The following HTR6 variants were observed in gnomAD, a reference collection of about 807,000 sequenced individuals.
The protein encoded by HTR6 is 5-hydroxytryptamine (serotonin) receptor 6, G protein-coupled.
Under a neutral mutation model 17.4 loss-of-function variants are expected in HTR6, and 15 were observed. That is an observed-to-expected ratio of 0.86 (90% CI 0.58 to 1.33). HTR6 has a LOEUF of 1.33. Ranked by LOEUF, HTR6 falls within the 40% of genes most tolerant of loss-of-function variation. The pLI, the probability that HTR6 is intolerant of heterozygous loss-of-function variation, is 0.00. For missense variants in HTR6, 578 were observed against 616.0 expected (o/e 0.94, Z 0.65); for synonymous variants, 326 against 295.5 (o/e 1.10, Z -1.06).
chr1:19,678,975 C>G lies in HTR6; in HGVS notation c.930C>G (p.Tyr310Ter), dbSNP rs756701522. The G allele has an allele frequency of 1.9e-6, 3 of 1,614,144 alleles. No homozygotes were observed. Among genetic ancestry groups the G allele is most frequent in the Non-Finnish European group, 2.5e-6 (3 of 1,179,992 alleles). Reference sequence around the variant, plus strand: ...TCGATGTCCTCACATGGCTGGGTTACTGTAACAGCACCATGAACCCCATCA... The same window carrying G: ...TCGATGTCCTCACATGGCTGGGTTAGTGTAACAGCACCATGAACCCCATCA... ...GLFDVLTWLG[Y>*]CNSTMNPIIY... is the part of the protein sequence containing the mutation. The change falls in exon 3 of 3, where the codon TAC becomes TAG. Residue 310 changes from tyrosine to a stop codon, truncating the protein, a stop_gained. Transcript: ENST00000289753. LOFTEE classifies it low-confidence loss of function (END_TRUNC).
In HTR6 at chr1:19,677,859, T is replaced by C. The variant is rs138031366; in HGVS notation, c.715-708T>C. 6.8e-4 allele frequency among the ~76,000 whole-genome samples: 104 copies of C among 152,164 alleles called. 1 individual carries two copies. Among genetic ancestry groups the C allele is most frequent in the Middle Eastern group, 3.4e-3 (1 of 292 alleles). On this transcript the variant is annotated intron_variant, in intron 1 of 2. Coordinates refer to ENST00000289753, the MANE Select transcript of HTR6 (RefSeq NM_000871.3). Reference sequence around the variant, plus strand: ...GGTTCAAGCAATTCTCCTGCCTCAGTCTCCTGAGTAGCTGGGATTACAGGT... The same window carrying C: ...GGTTCAAGCAATTCTCCTGCCTCAGCCTCCTGAGTAGCTGGGATTACAGGT...
rs2095101616 is a variant in HTR6, at chr1:19,680,869, C to G, written c.*1501C>G. Among the ~76,000 whole-genome samples, 1 of 152,194 alleles carries G rather than the reference C, an allele frequency of 6.6e-6. No individual in the cohort carries two copies. The highest frequency in any genetic ancestry group is 6.5e-5 in the Admixed American group (1 of 15,278). On this transcript the variant is annotated 3_prime_UTR_variant, in exon 3 of 3. Transcript: ENST00000289753. ...GGTGCTGATGAGACACAACTCTGGC[C>G]CCGGCGGCTGGCCTCTGAGGGGCCA...
intron 1 of HTR6, among the ~76,000 whole-genome samples, chr1:19,678,113 T>G (rs1266334470): frequency 6.6e-6 from 1 of 152,200 alleles, no homozygotes; most frequent in Non-Finnish European, 1.5e-5. Context: ...TGTTGGCCTG[T>G]GTCACGTATT....
chr1:19,665,738 T>G lies in HTR6; in HGVS notation c.-16T>G. 1.4e-6 allele frequency: 2 copies of G among 1,447,968 alleles called. No individual in the cohort carries two copies. The highest frequency in any genetic ancestry group is 1.8e-6 in the Non-Finnish European group (2 of 1,094,494). The allele number at this position is 1,447,968 out of a possible 1,614,324, so 89.7% of individuals were successfully genotyped here. A position where few individuals can be genotyped will look rare whatever the true frequency, so the allele number is the denominator to read the frequency against. On this transcript the variant is annotated 5_prime_UTR_variant, in exon 1 of 3. Coordinates refer to ENST00000289753, the MANE Select transcript of HTR6 (RefSeq NM_000871.3). The surrounding 1 kb of genome is among the most constrained non-coding windows in gnomAD (Gnocchi z 4.2). The stretch of plus-strand genomic sequence containing the variant: ...CCGCCACCCTATCACTCCCTTGCCG[T>G]CCACCCTCGGTCCTCATGGTCCCAG...
rs72961744 is a variant in HTR6, at chr1:19,666,972, A to G, written c.714+505A>G. Among the ~76,000 whole-genome samples the G allele has an allele frequency of 0.027, 4,141 of 152,042 alleles. 131 individuals carry two copies. The highest frequency in any genetic ancestry group is 0.073 in the African/African-American group (3,041 of 41,446). ...CTTCTGCATAGAAGCTGGAGCACTTAAAAAAGAAGTGATCATGTCACTCCC... is the reference window on the plus strand; with the variant it reads ...CTTCTGCATAGAAGCTGGAGCACTTGAAAAAGAAGTGATCATGTCACTCCC... On this transcript the variant is annotated intron_variant, in intron 1 of 2. Transcript: ENST00000289753. The surrounding 1 kb of genome is among the most constrained non-coding windows in gnomAD (Gnocchi z 4.5).
chr1:19,665,824 G>C lies in HTR6; in HGVS notation c.71G>C (p.Gly24Ala), dbSNP rs770334471. The change falls in exon 1 of 3, where the codon GGG becomes GCG. Residue 24 changes from glycine to alanine, a missense_variant. Physicochemically the swap from Gly to Ala is moderately conservative, Grantham distance 60. Coordinates refer to ENST00000289753, the MANE Select transcript of HTR6 (RefSeq NM_000871.3). This position sits in a 1 kb window ranked among gnomAD's most constrained non-coding sequence, Gnocchi z 4.2. ...GGGGCAGGGCCGCCGTCGGCCCCGG[G>C]GGGCAGCGGCTGGGTGGCGGCCGCG... ...AWGAGPPSAP[G>A]GSGWVAAALC... 8.3e-6 allele frequency: 13 copies of C among 1,565,256 alleles called. No homozygotes were observed. Among genetic ancestry groups the C allele is most frequent in the Non-Finnish European group, 1.1e-5 (13 of 1,158,644 alleles).
rs2095079016 is a variant in HTR6 at position 19,664,972 on chromosome 1, C to A, written c.-782C>A. ...CCCGCCCGGCCCGCGGCCGCCTCTT[C>A]CTCTCGCAGCCCCGCGGCGCTTGCC... On this transcript the variant is annotated 5_prime_UTR_variant, in exon 1 of 3. Coordinates refer to ENST00000289753, the MANE Select transcript of HTR6 (RefSeq NM_000871.3). This position sits in a 1 kb window ranked among gnomAD's most constrained non-coding sequence, Gnocchi z 4.7. 6.6e-6 allele frequency among the ~76,000 whole-genome samples: 1 copy of A among 150,590 alleles called. No individual in the cohort carries two copies.
chr1:19,674,621 G>C lies in HTR6; in HGVS notation c.715-3946G>C, dbSNP rs555151952. ...GGGTTTTGCCATGTTGGCCAGGCTG[G>C]TCTCGAACTACTGACCTCAAGTGAT... On this transcript the variant is annotated intron_variant, in intron 1 of 2. Transcript: ENST00000289753. Among the ~76,000 whole-genome samples the C allele has an allele frequency of 1.4e-4, 21 of 152,280 alleles. No homozygotes were observed. The East Asian group carries it at 3.7e-3, about 27-fold the overall frequency.
In HTR6 at chr1:19,680,781, C is replaced by A. The variant is rs746120634; in HGVS notation, c.*1413C>A. 2.6e-5 allele frequency among the ~76,000 whole-genome samples: 4 copies of A among 152,168 alleles called. No individual in the cohort carries two copies. Among genetic ancestry groups the A allele is most frequent in the Non-Finnish European group, 4.4e-5 (3 of 68,022 alleles). ...CATAGGTCCCTTTTCAGCCCTGCCTCCCCCAAGTTCCATCAACACAAACTC... is the reference window on the plus strand; with the variant it reads ...CATAGGTCCCTTTTCAGCCCTGCCTACCCCAAGTTCCATCAACACAAACTC... On this transcript the variant is annotated 3_prime_UTR_variant, in exon 3 of 3. Coordinates refer to ENST00000289753, the MANE Select transcript of HTR6 (RefSeq NM_000871.3).
intron 1 of HTR6, among the ~76,000 whole-genome samples, chr1:19,676,922 C>T (rs1257119229): frequency 6.6e-6 from 1 of 152,242 alleles, no homozygotes; most frequent in African/African-American, 2.4e-5. Flanking sequence ...CGCAAACACA[C>T]CCTTTGCGTA....
rs755046439 is a variant in HTR6 at position 19,678,613 on chromosome 1, G to A, written c.761G>A (p.Arg254His). 25 of 1,613,192 alleles carry A rather than the reference G, an allele frequency of 1.5e-5. No individual in the cohort carries two copies. The highest frequency in any genetic ancestry group is 8.9e-5 in the East Asian group (4 of 44,872). ...GGGGTGGAGTCTGCTGACAGCAGGC[G>A]TCTAGCCACGAAGCACAGCAGGAAG... ...RPGVESADSR[R>H]LATKHSRKAL... The change falls in exon 2 of 3, where the codon CGT (arginine) becomes CAT (histidine). Residue 254 changes from arginine to histidine, a missense_variant. Arg to His is a conservative substitution (Grantham distance 29, BLOSUM62 0). Transcript: ENST00000289753.
rs1310913095 is a variant in HTR6, at chr1:19,678,717, A to G, written c.865A>G (p.Ile289Val). ...VTWLPFFVAN[I>V]VQAVCDCISP... Reference sequence around the variant, plus strand: ...CTGGTTGCCCTTCTTTGTGGCCAACATAGTCCAGGTAATGCCACGGCAGGG... The same window carrying G: ...CTGGTTGCCCTTCTTTGTGGCCAACGTAGTCCAGGTAATGCCACGGCAGGG... The change falls in exon 2 of 3, where the codon ATA (isoleucine) becomes GTA (valine). Residue 289 changes from isoleucine to valine, a missense_variant. Coordinates refer to ENST00000289753, the MANE Select transcript of HTR6 (RefSeq NM_000871.3). 6.2e-7 allele frequency: 1 copy of G among 1,610,142 alleles called. No individual in the cohort carries two copies. Among genetic ancestry groups the G allele is most frequent in the Admixed American group, 1.7e-5 (1 of 59,940 alleles).
Position 19,665,614 on chromosome 1 carries a change from C to G in HTR6, c.-140C>G, listed in dbSNP as rs1045935942. 3.3e-6 allele frequency: 2 copies of G among 606,530 alleles called. No individual in the cohort carries two copies. Among genetic ancestry groups the G allele is most frequent in the African/African-American group, 2.0e-5 (1 of 51,188 alleles). The allele number at this position is 606,530 out of a possible 1,614,324, so 37.6% of individuals were successfully genotyped here. On this transcript the variant is annotated 5_prime_UTR_variant, in exon 1 of 3. Coordinates refer to ENST00000289753, the MANE Select transcript of HTR6 (RefSeq NM_000871.3). The surrounding 1 kb of genome is among the most constrained non-coding windows in gnomAD (Gnocchi z 4.2). ...GCGACCCAGCGCCCCCGCCCATGTC[C>G]CCCCACTCACCTCCCCCGGGGGGCG...
chr1:19,678,828 G>T, intron 2 of HTR6, 91 bp from the exon 3 acceptor site: 1 of 1,557,420 alleles, frequency 6.4e-7, no homozygotes, highest in South Asian at 1.2e-5. Context: ...CTCTCGTGGT[G>T]CGTGTGTGTG....
chr1:19,677,531 C>T (rs537989345), intron 1 of HTR6, among the ~76,000 whole-genome samples: 4 of 152,252 alleles, frequency 2.6e-5, no homozygotes, highest in South Asian at 4.1e-4. Flanking sequence ...AACCAGCATC[C>T]TTAGGAGCCT....
chr1:19,677,441 C>T (rs57886139), intron 1 of HTR6, among the ~76,000 whole-genome samples: 20,306 of 152,144 alleles, frequency 0.13, 1,428 homozygotes, highest in East Asian at 0.22. Context: ...CCTCCTACCC[C>T]TTCCTCCTCT....
rs201579153 is a variant in HTR6 at position 19,666,181 on chromosome 1, C to T, written c.428C>T (p.Ala143Val). The part of the protein sequence containing the change: ...RYKLRMTPLR[A>V]LALVLGAWSL... ...AAGCTGCGCATGACGCCCCTGCGTG[C>T]CCTGGCCCTAGTCCTGGGCGCCTGG... The change falls in exon 1 of 3, where the codon GCC becomes GTC. Residue 143 changes from alanine (A) to valine (V), a missense_variant. Transcript: ENST00000289753. The surrounding 1 kb of genome is among the most constrained non-coding windows in gnomAD (Gnocchi z 4.5). 1.6e-5 allele frequency: 25 copies of T among 1,610,672 alleles called. No homozygotes were observed. The highest frequency in any genetic ancestry group is 1.9e-5 in the Non-Finnish European group (23 of 1,179,868).
chr1:19,670,714 T>C (rs2095087088), intron 1 of HTR6, among the ~76,000 whole-genome samples: 1 of 152,206 alleles, frequency 6.6e-6, no homozygotes. Flanking sequence ...TCCACCCGCC[T>C]TGGCTTTCCA....
At chr1:19,668,409 A>G (rs931649513) in intron 1 of HTR6, among the ~76,000 whole-genome samples, 1 of 151,708 alleles carries the variant, frequency 6.6e-6, no homozygotes, top group Admixed American at 6.6e-5. Flanking sequence ...AACTCACTGA[A>G]CTCTTGGGCT....
Sources: gnomAD v4.1 joint callset for allele counts (sites outside exome capture counted in the v4.1 genomes callset) on GRCh38, gnomAD v4.1.1 for gene constraint, Gnocchi (gnomAD v3.1) non-coding constraint, MANE v1.5 for transcripts, NCBI Gene and HGNC (gene_info 2026-07-23, HGNC 2026-07-21) for gene names.